MYO1D: variants seen among roughly 807,000 people sequenced by gnomAD.
MYO1D encodes the protein unconventional myosin-Id.
A neutral mutation model predicts 122.0 loss-of-function variants in MYO1D; 83 were observed. The observed-to-expected ratio is 0.68, with a 90% CI of 0.57 to 0.82. The LOEUF (loss-of-function observed/expected upper bound fraction) is 0.82. MYO1D is among the 40% of genes least tolerant of loss of function. MYO1D has a pLI of 0.00. For synonymous variants in MYO1D, 464 were observed against 446.9 expected (o/e 1.04, Z -0.48); for missense variants, 1,157 against 1,269.5 (o/e 0.91, Z 1.35).
chr17:32,648,265 CTCTT>C (rs934824378), intron 19 of MYO1D, among the ~76,000 whole-genome samples: 1 of 151,990 alleles, frequency 6.6e-6, no homozygotes, highest in African/African-American at 2.4e-5. Context: ...TTGAGTTGAC[CTCTT>C]TCTTCTTCCT....
intron 1 of MYO1D, among the ~76,000 whole-genome samples, chr17:32,793,752 G>A (rs1250500000): frequency 6.6e-6 from 1 of 152,184 alleles, no homozygotes; most frequent in African/African-American, 2.4e-5. Flanking sequence ...TAAGAAGGTG[G>A]ACTCTGGGAT....
At position 32,771,065 on chromosome 17, in the gene MYO1D, G is replaced by A. The variant is rs1481536704; in HGVS notation, c.714+60C>T. 18 of 1,278,374 alleles carry A rather than the reference G, an allele frequency of 1.4e-5. No homozygotes were observed. In the Middle Eastern group the frequency reaches 5.6e-4, roughly 40 times the overall value. 79.2% of individuals were successfully genotyped at this position (1,278,374 alleles called of 1,614,324 possible). A position where few individuals can be genotyped will look rare whatever the true frequency, so the allele number is the denominator to read the frequency against. Reference sequence around the variant, plus strand: ...AGGCTTGACCAGATAATTATTGAATGTCTCTTCTAATCCTTTGACTGATTT... The same window carrying A: ...AGGCTTGACCAGATAATTATTGAATATCTCTTCTAATCCTTTGACTGATTT... On this transcript the variant is annotated intron_variant, in intron 6 of 21. Transcript: ENST00000318217.
At chr17:32,854,084 A>G (rs889610405) in intron 1 of MYO1D, among the ~76,000 whole-genome samples, 3 of 152,218 alleles carry the variant, frequency 2.0e-5, no homozygotes, top group Non-Finnish European at 2.9e-5. Context: ...AAATTCAAAT[A>G]CTTTTTTTAC....
intron 12 of MYO1D, among the ~76,000 whole-genome samples, chr17:32,748,254 A>G (rs962216365): frequency 2.6e-5 from 4 of 152,222 alleles, no homozygotes; most frequent in Non-Finnish European, 5.9e-5. Flanking sequence ...TGTAGCAAAA[A>G]TGGTTTTTGC....
At chr17:32,743,840 A>G (rs2089800044) in intron 13 of MYO1D, among the ~76,000 whole-genome samples, 2 of 151,070 alleles carry the variant, frequency 1.3e-5, no homozygotes, top group South Asian at 4.2e-4. Context: ...GGATGGTTTC[A>G]ATCTCCTGAC....
chr17:32,565,375 C>A (rs1444194567), intron 21 of MYO1D, among the ~76,000 whole-genome samples: 3 of 152,152 alleles, frequency 2.0e-5, no homozygotes. Context: ...ACGAAAGGCA[C>A]CCTGGCACTG....
chr17:32,539,343 T>A (rs1292070214), intron 21 of MYO1D, among the ~76,000 whole-genome samples: 1 of 151,772 alleles, frequency 6.6e-6, no homozygotes, highest in Admixed American at 6.6e-5. Context: ...ATGTTATCTT[T>A]TCATTTAAAA....
intron 21 of MYO1D, among the ~76,000 whole-genome samples, chr17:32,603,397 A>C (rs979654462): frequency 6.6e-6 from 1 of 152,156 alleles, no homozygotes; most frequent in African/African-American, 2.4e-5. Flanking sequence ...AGAGTAACAA[A>C]TTAAAATTCC....
chr17:32,769,611 TATA>T (rs777892698), intron 6 of MYO1D, among the ~76,000 whole-genome samples: 90 of 152,026 alleles, frequency 5.9e-4, no homozygotes, highest in Non-Finnish European at 1.2e-3. Flanking sequence ...ATGGAAAGAT[TATA>T]ATAAAAACAG....
At chr17:32,622,639 C>G (rs1219515739) in intron 20 of MYO1D, among the ~76,000 whole-genome samples, 1 of 152,130 alleles carries the variant, frequency 6.6e-6, no homozygotes, top group Non-Finnish European at 1.5e-5. Context: ...TGGGAGAACA[C>G]TCCAGGGGAA....
intron 21 of MYO1D, chr17:32,495,759 T>G (rs1175134830): frequency 1.3e-5 from 2 of 152,328 alleles, no homozygotes; most frequent in East Asian, 3.8e-4. Context: ...AATCCCACGC[T>G]GTACCTCAGC....
At chr17:32,666,575 T>G (rs1446202375) in intron 16 of MYO1D, among the ~76,000 whole-genome samples, 1 of 152,226 alleles carries the variant, frequency 6.6e-6, no homozygotes. Flanking sequence ...CTAACAGTCA[T>G]TAAACTTTGC....
chr17:32,875,870 C>G (rs1460094161), intron 1 of MYO1D, among the ~76,000 whole-genome samples: 1 of 152,214 alleles, frequency 6.6e-6, no homozygotes, highest in African/African-American at 2.4e-5. Flanking sequence ...CAAAACTCAG[C>G]TATTTTGAAA....
At position 32,858,062 on chromosome 17, in the gene MYO1D, T is replaced by C. The variant is rs183147406; in HGVS notation, c.95+18716A>G. On this transcript the variant is annotated intron_variant, in intron 1 of 21. Coordinates refer to ENST00000318217, the MANE Select transcript of MYO1D (RefSeq NM_015194.3). The stretch of plus-strand genomic sequence containing the variant: ...ATCATTTAATATTTTCAACTGTTCC[T>C]TTAAAATATGCATTTAGACAACTGG... Among the ~76,000 whole-genome samples the C allele has an allele frequency of 2.9e-3, 449 of 152,346 alleles. 5 individuals carry two copies. Among genetic ancestry groups the C allele is most frequent in the African/African-American group, 0.01 (436 of 41,588 alleles).
chr17:32,780,631 A>T lies in MYO1D; in HGVS notation c.249T>A (p.Asp83Glu). 1 of 1,614,158 alleles carries T rather than the reference A, an allele frequency of 6.2e-7. No individual in the cohort carries two copies. Among genetic ancestry groups the T allele is most frequent in the African/African-American group, 1.3e-5 (1 of 75,022 alleles). ...ERPPHLFAIA[D>E]AAYKAMKRRS... ...GCCTCTTCATAGCCTTGTAAGCAGC[A>T]TCCGCAATAGCAAAAAGGTGAGGCG... The change falls in exon 2 of 22, where the codon GAT (aspartate) becomes GAA (glutamate). Residue 83 changes from aspartate to glutamate, a missense_variant. By Grantham distance (45) the Asp-to-Glu change is conservative (BLOSUM62 2). Coordinates refer to ENST00000318217, the MANE Select transcript of MYO1D (RefSeq NM_015194.3).
At chr17:32,767,797 A>G (rs918099700) in intron 6 of MYO1D, 45 bp from the exon 7 acceptor site, 1 of 1,383,052 alleles carries the variant, frequency 7.2e-7, no homozygotes. Context: ...ATTTCCTATG[A>G]GCATTAAAAT....
At chr17:32,694,773 C>A (rs1365009961) in intron 16 of MYO1D, among the ~76,000 whole-genome samples, 2 of 147,360 alleles carry the variant, frequency 1.4e-5, no homozygotes, top group African/African-American at 5.0e-5. Flanking sequence ...ATATATCCAA[C>A]TGCTTGCTGG....
intron 10 of MYO1D, chr17:32,760,030 C>T (rs2089983286): frequency 1.6e-5 from 11 of 673,210 alleles, no homozygotes; most frequent in South Asian, 1.5e-4. Context: ...AGTAAGTCCA[C>T]GTGGTAGCAG....
At chr17:32,795,435 T>G (rs987742352) in intron 1 of MYO1D, among the ~76,000 whole-genome samples, 1 of 151,902 alleles carries the variant, frequency 6.6e-6, no homozygotes, top group African/African-American at 2.4e-5. Context: ...TTTTACTAAC[T>G]GAATTCATCA....
Sources: allele counts gnomAD v4.1 joint callset (sites outside exome capture counted in the v4.1 genomes callset), GRCh38; gene constraint gnomAD v4.1.1; transcripts MANE v1.5; gene names NCBI Gene and HGNC (gene_info 2026-07-23, HGNC 2026-07-21).